Variants in PCDHGB5 observed in about 807,000 individuals in gnomAD.
PCDHGB5 encodes the protein protocadherin gamma subfamily B, 5, also known as protocadherin gamma-B5.
A neutral mutation model predicts 62.9 loss-of-function variants in PCDHGB5; 48 were observed. The observed-to-expected ratio is 0.76, with a 90% CI of 0.61 to 0.97. PCDHGB5 has a LOEUF of 0.97. Among genes scored for constraint, PCDHGB5 ranks in the 50% least tolerant of loss-of-function variants. PCDHGB5 has a pLI of 0.00. For synonymous variants in PCDHGB5, 474 were observed against 511.2 expected, an observed-to-expected ratio of 0.93 and a Z score of 0.98; for missense variants, 1,118 against 1,198.6, an observed-to-expected ratio of 0.93 and a Z score of 0.99.
In PCDHGB5 at chr5:141,477,850, G is replaced by C. The variant is rs2099420608; in HGVS notation, c.2398-16957G>C. On this transcript the variant is annotated intron_variant, in intron 1 of 3. Coordinates refer to ENST00000617380, the MANE Select transcript of PCDHGB5 (RefSeq NM_018925.3). The surrounding 1 kb of genome is among the most constrained non-coding windows in gnomAD (Gnocchi z 4.9). Reference sequence around the variant, plus strand: ...CTCGGCCAGGTGGGAGCTCGGTGGAGATGCTGCCTCGAGGTACCTCAGCTG... The same window carrying C: ...CTCGGCCAGGTGGGAGCTCGGTGGACATGCTGCCTCGAGGTACCTCAGCTG... 6.2e-6 allele frequency: 10 copies of C among 1,613,328 alleles called. No individual in the cohort carries two copies. Among genetic ancestry groups the C allele is most frequent in the Non-Finnish European group, 7.6e-6 (9 of 1,179,812 alleles).
At chr5:141,460,733 C>T (rs988651750) in intron 1 of PCDHGB5, among the ~76,000 whole-genome samples, 2 of 150,844 alleles carry the variant, frequency 1.3e-5, no homozygotes, top group Non-Finnish European at 3.0e-5. Context: ...CATATATACA[C>T]ATTGTATATA....
chr5:141,418,350 T>A, intron 1 of PCDHGB5: 1 of 1,614,002 alleles, frequency 6.2e-7, no homozygotes, highest in Non-Finnish European at 8.5e-7. Context: ...GATATTAGTA[T>A]GAATTCGCTG....
At chr5:141,415,653 G>T in intron 1 of PCDHGB5, 1 of 1,539,362 alleles carries the variant, frequency 6.5e-7, no homozygotes, top group Non-Finnish European at 8.8e-7. Context: ...AAAAAAAAAA[G>T]ATTGGTTTTT....
Position 141,489,765 on chromosome 5 carries a change from C to A in PCDHGB5, c.2398-5042C>A. On this transcript the variant is annotated intron_variant, in intron 1 of 3. Transcript: ENST00000617380. The surrounding 1 kb of genome is among the most constrained non-coding windows in gnomAD (Gnocchi z 4.5). ...TGAGCTTTTACACTCTAAGCCCCAA[C>A]AGCCACTTCTCTCTGAATGTGAAGA... 2.5e-6 allele frequency: 4 copies of A among 1,614,174 alleles called. No individual in the cohort carries two copies. The highest frequency in any genetic ancestry group is 3.4e-6 in the Non-Finnish European group (4 of 1,179,992).
At chr5:141,474,452 G>A (rs1341193950) in intron 1 of PCDHGB5, among the ~76,000 whole-genome samples, 1 of 152,158 alleles carries the variant, frequency 6.6e-6, no homozygotes, top group Non-Finnish European at 1.5e-5. Flanking sequence ...CAAGTGATTG[G>A]GCTATACTCT....
At position 141,491,369 on chromosome 5, in the gene PCDHGB5, CCTTT is replaced by C; in HGVS notation, c.2398-3435_2398-3432del. ...AGTCTCTTATCCCTAGTCACCTTCACCTTTCTGTCAGCGAAGTGCCTTCAGGGAA... is the reference window on the plus strand; with the variant it reads ...AGTCTCTTATCCCTAGTCACCTTCACCTGTCAGCGAAGTGCCTTCAGGGAA... On this transcript the variant is annotated intron_variant, in intron 1 of 3. Transcript: ENST00000617380. The surrounding 1 kb of genome is among the most constrained non-coding windows in gnomAD (Gnocchi z 6.9). 1 of 1,614,110 alleles carries C rather than the reference CCTTT, an allele frequency of 6.2e-7. No individual in the cohort carries two copies. Among genetic ancestry groups the C allele is most frequent in the Non-Finnish European group, 8.5e-7 (1 of 1,179,996 alleles).
At chr5:141,494,215 G>T (rs984086536) in intron 1 of PCDHGB5, among the ~76,000 whole-genome samples, 2 of 152,200 alleles carry the variant, frequency 1.3e-5, no homozygotes, top group Non-Finnish European at 2.9e-5. Context: ...GCCCAATCTG[G>T]CATGACTCCT....
At chr5:141,495,013 T>C (rs2099758300) in intron 2 of PCDHGB5, 148 bp downstream of exon 2, 12 of 1,511,014 alleles carry the variant, frequency 7.9e-6, no homozygotes, top group Non-Finnish European at 1.1e-5. Context: ...TGCGGGGGGC[T>C]GGCACACAGA....
intron 1 of PCDHGB5, chr5:141,418,958 G>A: frequency 4.3e-6 from 7 of 1,614,000 alleles, no homozygotes; most frequent in Non-Finnish European, 5.9e-6. Context: ...AGTGGTTGTT[G>A]CCCTCTTCAA....
chr5:141,494,749 G>C (rs573811540), intron 1 of PCDHGB5, 58 bp from the exon 2 acceptor site: 3 of 1,612,818 alleles, frequency 1.9e-6, no homozygotes, highest in South Asian at 2.2e-5. Context: ...CTAGGGGCTC[G>C]GGTGACATTC....
chr5:141,425,949 C>T (rs2096905190), intron 1 of PCDHGB5, among the ~76,000 whole-genome samples: 1 of 152,224 alleles, frequency 6.6e-6, no homozygotes. Flanking sequence ...GTTTCCTATA[C>T]ATTAGTCCAA....
chr5:141,475,248 C>T (rs1400887912), intron 1 of PCDHGB5, among the ~76,000 whole-genome samples: 2 of 152,166 alleles, frequency 1.3e-5, no homozygotes, highest in African/African-American at 4.8e-5. Context: ...AGAGTGTGCT[C>T]TACAACTGAG....
At chr5:141,423,745 C>A (rs561499055) in intron 1 of PCDHGB5, 2 of 605,688 alleles carry the variant, frequency 3.3e-6, no homozygotes, top group Non-Finnish European at 4.0e-6. Context: ...GTTATGAAAA[C>A]TGTTTGGGGG....
intron 1 of PCDHGB5, among the ~76,000 whole-genome samples, chr5:141,471,855 G>A (rs955016680): frequency 3.3e-5 from 5 of 152,108 alleles, no homozygotes; most frequent in Non-Finnish European, 7.4e-5. Context: ...TTCAGAAAAA[G>A]CAAAACTGTG....
chr5:141,484,647 G>C (rs556711906), intron 1 of PCDHGB5, among the ~76,000 whole-genome samples: 1 of 151,948 alleles, frequency 6.6e-6, no homozygotes, highest in African/African-American at 2.4e-5. Context: ...CTCTCCAATG[G>C]CTACTCTCCC....
At chr5:141,426,714 C>T (rs779529448) in intron 1 of PCDHGB5, 2 of 444,724 alleles carry the variant, frequency 4.5e-6, no homozygotes, top group South Asian at 3.1e-5. Flanking sequence ...AATCAATGAA[C>T]TAGCAATTCC....
At chr5:141,505,673 G>C (rs1389292278) in intron 3 of PCDHGB5, among the ~76,000 whole-genome samples, 192 bp downstream of exon 3, 1 of 152,178 alleles carries the variant, frequency 6.6e-6, no homozygotes, top group East Asian at 1.9e-4. Context: ...AGGGGTTGGG[G>C]GTCCTGGGAT....
Position 141,409,997 on chromosome 5 carries a change from G to A in PCDHGB5, c.2397+9473G>A. 1.9e-6 allele frequency: 3 copies of A among 1,613,224 alleles called. No homozygotes were observed. The African/African-American group carries it at 4.0e-5, about 22-fold the overall frequency. ...GGTGGTAGCGGTGGACGCCGACTCG[G>A]GACACAACGCCTGGCTGTCCTACCA... On this transcript the variant is annotated intron_variant, in intron 1 of 3. Coordinates refer to ENST00000617380, the MANE Select transcript of PCDHGB5 (RefSeq NM_018925.3).
At chr5:141,451,288 C>G (rs1308574266) in intron 1 of PCDHGB5, among the ~76,000 whole-genome samples, 3 of 152,200 alleles carry the variant, frequency 2.0e-5, no homozygotes, top group Non-Finnish European at 4.4e-5. Context: ...GCCTCTGCCT[C>G]AAAGTCTTAC....
Sources: gnomAD v4.1 joint callset for allele counts (sites outside exome capture counted in the v4.1 genomes callset) on GRCh38, gnomAD v4.1.1 for gene constraint, Gnocchi (gnomAD v3.1) non-coding constraint, MANE v1.5 for transcripts, NCBI Gene and HGNC (gene_info 2026-07-23, HGNC 2026-07-21) for gene names.